Variants in IQGAP2 observed in about 807,000 individuals in gnomAD.
The protein encoded by IQGAP2 is ras GTPase-activating-like protein IQGAP2.
A neutral mutation model predicts 201.3 loss-of-function variants in IQGAP2; 173 were observed. That is an observed-to-expected ratio of 0.86 (90% confidence interval 0.76 to 0.98). The LOEUF (loss-of-function observed/expected upper bound fraction) is 0.98, where lower values mean the gene tolerates loss of function less well. Ranked by LOEUF, IQGAP2 falls within the 50% of genes least tolerant of loss-of-function variation. The pLI, the probability that IQGAP2 is intolerant of heterozygous loss-of-function variation, is 0.00. For missense variants in IQGAP2, 1,687 were observed against 1,864.8 expected, an observed-to-expected ratio of 0.90 and a Z score of 1.76; for synonymous variants, 675 against 673.9, an observed-to-expected ratio of 1.00 and a Z score of -0.03.
intron 27 of IQGAP2, among the ~76,000 whole-genome samples, chr5:76,675,333 C>A (rs890202990): frequency 6.6e-6 from 1 of 152,048 alleles, no homozygotes; most frequent in Non-Finnish European, 1.5e-5. Context: ...GTCCTGGAAC[C>A]AATCCCCCAA....
At chr5:76,587,077 A>G (rs1052227999) in intron 5 of IQGAP2, among the ~76,000 whole-genome samples, 3 of 152,212 alleles carry the variant, frequency 2.0e-5, no homozygotes. Flanking sequence ...GATACAATTT[A>G]TCAATTGGGT....
chr5:76,550,840 A>G (rs1743419805), intron 2 of IQGAP2, among the ~76,000 whole-genome samples: 1 of 152,230 alleles, frequency 6.6e-6, no homozygotes, highest in Non-Finnish European at 1.5e-5. Context: ...CATCGTCATC[A>G]TGGCCCGTTC....
chr5:76,695,758 G>T, intron 32 of IQGAP2, 92 bp downstream of exon 32: 1 of 963,084 alleles, frequency 1.0e-6, no homozygotes, highest in Non-Finnish European at 1.6e-6. Flanking sequence ...TGGCATTAGG[G>T]ATTCATGGTT....
Position 76,562,990 on chromosome 5 carries a change from T to C in IQGAP2, c.303+438T>C, listed in dbSNP as rs375650998. ...TAAAGCAAGATACGACTAACCACTT[T>C]GTGTACAACTAGTTTTAAGAATTGT... On this transcript the variant is annotated intron_variant, in intron 3 of 35. Coordinates refer to ENST00000274364, the MANE Select transcript of IQGAP2 (RefSeq NM_006633.5). Among the ~76,000 whole-genome samples the C allele has an allele frequency of 2.6e-5, 4 of 152,362 alleles. No homozygotes were observed. In the South Asian group the frequency reaches 8.3e-4, roughly 32 times the overall value.
chr5:76,669,103 T>C (rs1232659754), intron 23 of IQGAP2, among the ~76,000 whole-genome samples: 3 of 152,230 alleles, frequency 2.0e-5, no homozygotes, highest in Admixed American at 1.3e-4. Flanking sequence ...CAATAGCATA[T>C]TGAAAGTCAG....
Position 76,590,543 on chromosome 5 carries a change from T to G in IQGAP2, c.776T>G (p.Leu259Arg), listed in dbSNP as rs1475733698. Residue 259 changes from leucine to arginine, a missense_variant, in exon 8 of 36, where the codon CTC becomes CGC. Transcript: ENST00000274364. ...CTTGCACCAGAATATCAGAAAGAAC[T>G]CTGGGATGCCAAAAAGAAAAAAGAG... ...DNLAPEYQKE[L>R]WDAKKKKEEN... 6.2e-7 allele frequency: 1 copy of G among 1,610,756 alleles called. No homozygotes were observed. The highest frequency in any genetic ancestry group is 8.5e-7 in the Non-Finnish European group (1 of 1,179,192).
chr5:76,558,279 T>C (rs1333692282), intron 2 of IQGAP2, among the ~76,000 whole-genome samples: 4 of 152,118 alleles, frequency 2.6e-5, no homozygotes, highest in African/African-American at 9.7e-5. Context: ...TTGCTACCAA[T>C]TGTCAGTTTA....
At chr5:76,706,006 C>T (rs190299488) in intron 35 of IQGAP2, among the ~76,000 whole-genome samples, 4 of 152,214 alleles carry the variant, frequency 2.6e-5, no homozygotes, top group Non-Finnish European at 4.4e-5. Context: ...AATGACAGTT[C>T]GACTTAAGAA....
intron 2 of IQGAP2, among the ~76,000 whole-genome samples, chr5:76,545,117 A>C (rs1224646759): frequency 1.3e-5 from 2 of 152,200 alleles, no homozygotes; most frequent in African/African-American, 4.8e-5. Flanking sequence ...CAATTGTTAC[A>C]CTGTTGTGTA....
At chr5:76,686,340 T>TTG (rs1554085968) in intron 30 of IQGAP2, among the ~76,000 whole-genome samples, 5 of 140,000 alleles carry the variant, frequency 3.6e-5, no homozygotes, top group African/African-American at 1.4e-4. Context: ...ATCTGTTTTT[T>TTG]TTGTTGTTGT....
intron 31 of IQGAP2, 37 bp downstream of exon 31, chr5:76,693,479 G>A (rs2150538147): frequency 7.8e-7 from 1 of 1,283,846 alleles, no homozygotes; most frequent in African/African-American, 1.5e-5. Context: ...TAATAGACAG[G>A]TGTTGATTTT....
chr5:76,441,585 C>T (rs999094778), intron 1 of IQGAP2: 5 of 902,256 alleles, frequency 5.5e-6, no homozygotes, highest in East Asian at 1.2e-4. Flanking sequence ...TGAATCTCAG[C>T]GGTATGTTTG....
At chr5:76,404,841 A>G (rs745799849) in intron 1 of IQGAP2, among the ~76,000 whole-genome samples, 4 of 151,246 alleles carry the variant, frequency 2.6e-5, no homozygotes, top group Admixed American at 1.3e-4. Context: ...TCTTGGGTTC[A>G]AGAGGGAACG....
chr5:76,536,295 T>A (rs962221872), intron 2 of IQGAP2, among the ~76,000 whole-genome samples: 1 of 150,902 alleles, frequency 6.6e-6, no homozygotes, highest in African/African-American at 2.4e-5. Context: ...GATCTCAAAC[T>A]ACAGACCTCA....
At position 76,654,237 on chromosome 5, in the gene IQGAP2, G is replaced by GCTAT; in HGVS notation, c.2219_2222dup (p.Arg743PhefsTer10). ...TTCCGAATGGCAACTGCAAGAAAGA[G>GCTAT]CTATCTTTCAAGACTACAGTATTTC... is the stretch of plus-strand genomic sequence containing the variant. On this transcript the variant is annotated frameshift_variant, in exon 19 of 36. Transcript: ENST00000274364. LOFTEE classifies it high-confidence loss of function. 1 of 1,610,998 alleles carries GCTAT rather than the reference G, an allele frequency of 6.2e-7. No homozygotes were observed. Among genetic ancestry groups the GCTAT allele is most frequent in the Admixed American group, 1.7e-5 (1 of 59,772 alleles).
intron 4 of IQGAP2, 148 bp from the exon 5 acceptor site, chr5:76,575,545 A>T (rs1745413638): frequency 2.0e-6 from 1 of 489,504 alleles, no homozygotes; most frequent in Non-Finnish European, 3.7e-6. Context: ...GTCTATCTCT[A>T]CAGCAAGATG....
chr5:76,652,652 C>T (rs1403058384), intron 17 of IQGAP2, 98 bp from the exon 18 acceptor site: 1 of 868,300 alleles, frequency 1.2e-6, no homozygotes, highest in East Asian at 2.4e-5. Context: ...GACAGTGTCC[C>T]AGCTCCATGC....
At chr5:76,502,093 CA>C (rs887621431) in intron 2 of IQGAP2, among the ~76,000 whole-genome samples, 48 of 152,284 alleles carry the variant, frequency 3.2e-4, no homozygotes, top group African/African-American at 1.2e-3. Context: ...GTTGCTGTGG[CA>C]GCTACAATGC....
chr5:76,703,653 CAA>C (rs60408771), intron 35 of IQGAP2, among the ~76,000 whole-genome samples: 57 of 135,680 alleles, frequency 4.2e-4, no homozygotes, highest in Admixed American at 4.5e-4. Flanking sequence ...AGTTTCTGTG[CAA>C]AAAAAAAAAA....
Sources: gnomAD v4.1 joint callset for allele counts (sites outside exome capture counted in the v4.1 genomes callset) on GRCh38, gnomAD v4.1.1 for gene constraint, MANE v1.5 for transcripts, NCBI Gene and HGNC (gene_info 2026-07-23, HGNC 2026-07-21) for gene names.